Variants in SHTN1 observed in about 807,000 individuals in gnomAD.
The protein encoded by SHTN1 is shootin 1, also known as shootin-1.
A neutral mutation model predicts 83.1 loss-of-function variants in SHTN1; 42 were observed. The observed-to-expected ratio is 0.51, with a 90% CI of 0.39 to 0.65. The LOEUF is 0.65. Ranked by LOEUF, SHTN1 falls within the 30% of genes least tolerant of loss-of-function variation. The probability of loss-of-function intolerance (pLI) is 0.00; values close to 1 mark genes in which losing one functional copy is unlikely to be tolerated. For missense variants in SHTN1, 622 were observed against 737.8 expected, an observed-to-expected ratio of 0.84 and a Z score of 1.82; for synonymous variants, 224 against 247.7, an observed-to-expected ratio of 0.90 and a Z score of 0.90.
At chr10:116,976,577 C>T (rs1850815954) in intron 2 of SHTN1, among the ~76,000 whole-genome samples, 1 of 152,186 alleles carries the variant, frequency 6.6e-6, no homozygotes, top group Admixed American at 6.6e-5. Context: ...TACGTATTTG[C>T]TGATGTCAAC....
intron 6 of SHTN1, among the ~76,000 whole-genome samples, chr10:116,951,686 C>T (rs1849783215): frequency 6.6e-6 from 1 of 152,208 alleles, no homozygotes; most frequent in South Asian, 2.1e-4. Context: ...CATGTCCATG[C>T]TATTTCAGAA....
chr10:117,044,643 A>G (rs1393364853), intron 2 of SHTN1, among the ~76,000 whole-genome samples: 2 of 152,186 alleles, frequency 1.3e-5, no homozygotes, highest in African/African-American at 4.8e-5. Context: ...AAAAGCATTT[A>G]GCTTGGATTA....
rs1225305637 is a variant in SHTN1 at position 117,065,848 on chromosome 10, GGAAGGAAA to G, written c.-188-17346_-188-17339del. On this transcript the variant is annotated intron_variant, in intron 1 of 17. Transcript: ENST00000392901. ...AGGAAGGAAGGAAGGAAGGAAGGAA[GGAAGGAAA>G]GGAGGGAGGGAGGGAGGGAGGGAGG... Among the ~76,000 whole-genome samples, 77 of 72,424 alleles carry G rather than the reference GGAAGGAAA, an allele frequency of 1.1e-3. 1 individual carries two copies. Among genetic ancestry groups the G allele is most frequent in the African/African-American group, 3.1e-3 (58 of 19,014 alleles). 47.5% of individuals were successfully genotyped at this position (72,424 alleles called of 152,430 possible).
chr10:117,069,352 G>A (rs1006126956), intron 1 of SHTN1, among the ~76,000 whole-genome samples: 2 of 152,130 alleles, frequency 1.3e-5, no homozygotes, highest in African/African-American at 4.8e-5. Flanking sequence ...GGGAAGTGAG[G>A]AAGAGGTGAA....
chr10:116,907,265 G>C (rs117506955), intron 14 of SHTN1, among the ~76,000 whole-genome samples: 1 of 152,138 alleles, frequency 6.6e-6, no homozygotes, highest in Non-Finnish European at 1.5e-5. Flanking sequence ...ATGCTCTCCA[G>C]GGGCCGACCC....
chr10:117,001,441 C>T (rs1027211809), intron 1 of SHTN1, among the ~76,000 whole-genome samples: 1 of 152,118 alleles, frequency 6.6e-6, no homozygotes, highest in Non-Finnish European at 1.5e-5. Flanking sequence ...CATTTCACAA[C>T]TTTTGTCAAA....
chr10:117,025,784 C>A (rs928372958), intron 2 of SHTN1, among the ~76,000 whole-genome samples: 1 of 151,918 alleles, frequency 6.6e-6, no homozygotes, highest in African/African-American at 2.4e-5. Context: ...GGCCCTAGCT[C>A]CCAGATGACA....
chr10:116,905,009 G>A (rs535034662), intron 15 of SHTN1, among the ~76,000 whole-genome samples: 1 of 151,610 alleles, frequency 6.6e-6, no homozygotes, highest in South Asian at 2.2e-4. Context: ...AGACCATCCT[G>A]GCTAACAAGG....
At chr10:117,012,064 G>A (rs1202616355) in intron 2 of SHTN1, among the ~76,000 whole-genome samples, 6 of 151,326 alleles carry the variant, frequency 4.0e-5, no homozygotes, top group Non-Finnish European at 7.4e-5. Flanking sequence ...GCGTGAACCC[G>A]GGAGGTGGAG....
Position 116,918,792 on chromosome 10 carries a change from A to G in SHTN1, c.1195+2642T>C, listed in dbSNP as rs186937677. On this transcript the variant is annotated intron_variant, in intron 12 of 16. Coordinates refer to ENST00000355371, the MANE Select transcript of SHTN1 (RefSeq NM_001127211.3). ...TTATCCCCATTCTACAGATTAGCAA[A>G]TCAAGGCACGGCGAAGTAAGAAAAG... Among the ~76,000 whole-genome samples the G allele has an allele frequency of 1.0e-3, 157 of 152,346 alleles. 1 individual carries two copies. The highest frequency in any genetic ancestry group is 8.8e-4 in the Non-Finnish European group (60 of 68,024).
chr10:116,960,207 C>G lies in SHTN1; in HGVS notation c.196G>C (p.Val66Leu), dbSNP rs759370475. The G allele has an allele frequency of 6.2e-7, 1 of 1,607,366 alleles. No homozygotes were observed. Among genetic ancestry groups the G allele is most frequent in the East Asian group, 2.2e-5 (1 of 44,852 alleles). Residue 66 changes from valine (V) to leucine (L), a missense_variant, in exon 4 of 17, where the codon GTT becomes CTT. Val to Leu is a conservative substitution (Grantham distance 32, BLOSUM62 1). Around this residue, in one of 3 missense-constraint regions of SHTN1, gnomAD observed 383 missense variants for 455.8 expected, o/e 0.84. Coordinates refer to ENST00000355371, the MANE Select transcript of SHTN1 (RefSeq NM_001127211.3). ...TCAAGATGGTTCTGCATGAAATTAA[C>G]TTCCTCTATGACCATGTGAGAAACT... ...QKISHMVIEE[V>L]NFMQNHLEIE...
intron 8 of SHTN1, among the ~76,000 whole-genome samples, chr10:116,942,071 G>A (rs1353562245): frequency 2.6e-5 from 4 of 152,198 alleles, no homozygotes; most frequent in Non-Finnish European, 5.9e-5. Flanking sequence ...AAGAGTATGT[G>A]CATGTACACT....
intron 1 of SHTN1, among the ~76,000 whole-genome samples, chr10:117,051,999 C>CAT (rs71013635): frequency 0.016 from 534 of 34,104 alleles, 55 homozygotes; most frequent in East Asian, 0.048. Flanking sequence ...ATGACATAAT[C>CAT]ATATATATAT....
At chr10:117,057,960 GA>G (rs1318420832) in intron 1 of SHTN1, among the ~76,000 whole-genome samples, 2 of 152,134 alleles carry the variant, frequency 1.3e-5, no homozygotes, top group African/African-American at 4.8e-5. Context: ...ATGATCCTAA[GA>G]AAACTGGATA....
At chr10:116,982,565 G>C (rs1851064208) in intron 1 of SHTN1, among the ~76,000 whole-genome samples, 1 of 152,170 alleles carries the variant, frequency 6.6e-6, no homozygotes, top group Admixed American at 6.5e-5. Flanking sequence ...TTTTGTTTCA[G>C]AACTGGCTTG....
chr10:116,911,496 C>T (rs1464874232), intron 14 of SHTN1: 1 of 1,550,420 alleles, frequency 6.4e-7, no homozygotes, highest in Admixed American at 2.0e-5. Context: ...TACATATGGC[C>T]AGCCACTTCA....
At chr10:117,063,374 C>T (rs950842878) in intron 1 of SHTN1, among the ~76,000 whole-genome samples, 1 of 152,136 alleles carries the variant, frequency 6.6e-6, no homozygotes, top group African/African-American at 2.4e-5. Flanking sequence ...CACGGTTTCA[C>T]CACGTGCTCC....
chr10:116,962,281 A>T (rs956587028), intron 3 of SHTN1, among the ~76,000 whole-genome samples: 2 of 152,094 alleles, frequency 1.3e-5, no homozygotes, highest in Non-Finnish European at 2.9e-5. Flanking sequence ...CTTCATCAAT[A>T]TAATTGCCTT....
At position 116,886,278 on chromosome 10, in the gene SHTN1, A is replaced by G. The variant is rs1847159598; in HGVS notation, c.*66T>C. 3.2e-6 allele frequency: 5 copies of G among 1,547,528 alleles called. No individual in the cohort carries two copies. Among genetic ancestry groups the G allele is most frequent in the South Asian group, 2.4e-5 (2 of 83,658 alleles). ...CAGAATGTCTACAGCCCTTGCCAAT[A>G]TAACAACACTAATCATGTGCTTATT... On this transcript the variant is annotated 3_prime_UTR_variant, in exon 17 of 17. Transcript: ENST00000355371.
Sources: gnomAD v4.1 joint callset for allele counts (sites outside exome capture counted in the v4.1 genomes callset) on GRCh38, gnomAD v4.1.1 for gene constraint, gnomAD v4.1.1 regional missense constraint, MANE v1.5 for transcripts, NCBI Gene and HGNC (gene_info 2026-07-23, HGNC 2026-07-21) for gene names.